Variants in RGS6 observed in about 807,000 individuals in gnomAD.
RGS6 encodes the protein regulator of G protein signaling 6.
A neutral mutation model predicts 78.5 loss-of-function variants in RGS6; 30 were observed. That is an observed-to-expected ratio of 0.38 (90% CI 0.29 to 0.52). The LOEUF (loss-of-function observed/expected upper bound fraction) is 0.52, where lower values mean the gene tolerates loss of function less well. Ranked by LOEUF, RGS6 falls within the 20% of genes least tolerant of loss-of-function variation. The pLI, the probability that RGS6 is intolerant of heterozygous loss-of-function variation, is 0.85. For missense variants in RGS6, 495 were observed against 609.7 expected (o/e 0.81, Z 1.98); for synonymous variants, 206 against 206.0 (o/e 1.00, Z 0.00).
the RGS6 span, among the ~76,000 whole-genome samples, chr14:72,623,758 T>G: frequency 6.6e-6 from 1 of 152,154 alleles, no homozygotes; most frequent in African/African-American, 2.4e-5. Flanking sequence ...TCTACCTCTG[T>G]CCACAGAAAG....
At chr14:72,614,787 A>C in the RGS6 span, among the ~76,000 whole-genome samples, 2 of 150,950 alleles carry the variant, frequency 1.3e-5, no homozygotes, top group Non-Finnish European at 1.5e-5. Context: ...GAAAAAAAAA[A>C]AAGAGTTACA....
At chr14:72,091,924 C>A (rs1311688993) in intron 2 of RGS6, among the ~76,000 whole-genome samples, 14 of 152,206 alleles carry the variant, frequency 9.2e-5, no homozygotes, top group Admixed American at 9.2e-4. Flanking sequence ...AGATCATTGA[C>A]AAATGACATA....
At chr14:72,225,620 C>T (rs117233019) in intron 2 of RGS6, among the ~76,000 whole-genome samples, 2,228 of 152,236 alleles carry the variant, frequency 0.015, 30 homozygotes, top group Non-Finnish European at 0.021. Context: ...TGAGCCACCA[C>T]GCCCAGCCAA....
intron 2 of RGS6, among the ~76,000 whole-genome samples, chr14:72,060,659 A>G (rs1388483495): frequency 2.0e-5 from 3 of 152,204 alleles, no homozygotes; most frequent in Non-Finnish European, 2.9e-5. Flanking sequence ...ATAGCCAAGA[A>G]AGATCTTACA....
chr14:72,054,717 C>T (rs1486031749), intron 2 of RGS6, among the ~76,000 whole-genome samples: 1 of 152,170 alleles, frequency 6.6e-6, no homozygotes, highest in Non-Finnish European at 1.5e-5. Context: ...TTATCTTACT[C>T]CTTCACCTCC....
chr14:71,977,611 C>T (rs949803185), intron 2 of RGS6, among the ~76,000 whole-genome samples: 96 of 149,696 alleles, frequency 6.4e-4, no homozygotes, highest in African/African-American at 2.1e-3. Flanking sequence ...TGTTCTGTTC[C>T]GTTGATCTAT....
In RGS6 at chr14:72,543,667, C is replaced by T. The variant is rs143221116; in HGVS notation, c.1422+3573C>T. On this transcript the variant is annotated intron_variant, in intron 17 of 17. Transcript: ENST00000553525. Reference sequence around the variant, plus strand: ...GCTTGGTGATGTCTAGCCTGCCACTCTCTGCTATCTTCCTGGTTTTGCAGT... The same window carrying T: ...GCTTGGTGATGTCTAGCCTGCCACTTTCTGCTATCTTCCTGGTTTTGCAGT... Among the ~76,000 whole-genome samples, 1,000 of 152,306 alleles carry T rather than the reference C, an allele frequency of 6.6e-3. 10 individuals are homozygous for T. Among genetic ancestry groups the T allele is most frequent in the Middle Eastern group, 0.02 (6 of 294 alleles).
intron 2 of RGS6, among the ~76,000 whole-genome samples, chr14:72,035,963 T>A (rs2091636836): frequency 1.3e-5 from 2 of 152,120 alleles, no homozygotes; most frequent in Non-Finnish European, 2.9e-5. Context: ...ATAATGAGAA[T>A]ACAAAACAGT....
intron 17 of RGS6, among the ~76,000 whole-genome samples, chr14:72,545,558 C>A (rs1238160272): frequency 1.3e-5 from 2 of 152,156 alleles, no homozygotes; most frequent in African/African-American, 2.4e-5. Context: ...TTCCCTCTGT[C>A]CTGAGATTTC....
the RGS6 span, among the ~76,000 whole-genome samples, chr14:72,622,965 G>A: frequency 1.3e-5 from 2 of 152,218 alleles, no homozygotes; most frequent in Non-Finnish European, 2.9e-5. Flanking sequence ...ATAAGGGAAT[G>A]GTTGGATAAG....
At chr14:71,971,322 A>G (rs1279064879) in intron 2 of RGS6, among the ~76,000 whole-genome samples, 1 of 152,150 alleles carries the variant, frequency 6.6e-6, no homozygotes, top group Admixed American at 6.5e-5. Flanking sequence ...GGAGAATCGC[A>G]ATGTCAGAGA....
At chr14:72,330,037 C>G (rs550911421) in intron 2 of RGS6, among the ~76,000 whole-genome samples, 1 of 152,342 alleles carries the variant, frequency 6.6e-6, no homozygotes, top group African/African-American at 2.4e-5. Context: ...GTGTTCTTCA[C>G]AGCACCCAAC....
At chr14:72,211,114 A>G (rs2044029051) in intron 2 of RGS6, among the ~76,000 whole-genome samples, 1 of 152,248 alleles carries the variant, frequency 6.6e-6, no homozygotes, top group Non-Finnish European at 1.5e-5. Flanking sequence ...AGAGCAGGTC[A>G]CTGACACTAA....
the RGS6 span, among the ~76,000 whole-genome samples, chr14:71,922,000 C>G: frequency 6.6e-3 from 1,009 of 152,286 alleles, 11 homozygotes; most frequent in African/African-American, 0.023. Flanking sequence ...TCTCTTAGTT[C>G]TGTGGCTTTA....
At chr14:72,015,847 C>T (rs1359865946) in intron 2 of RGS6, among the ~76,000 whole-genome samples, 3 of 152,138 alleles carry the variant, frequency 2.0e-5, no homozygotes, top group African/African-American at 2.4e-5. Context: ...ACTCAGTGGC[C>T]GTCTGAGTTT....
chr14:72,023,766 G>A (rs552381834), intron 2 of RGS6, among the ~76,000 whole-genome samples: 4 of 152,320 alleles, frequency 2.6e-5, no homozygotes, highest in Admixed American at 6.5e-5. Context: ...TAAATGGAAT[G>A]AGACCTGGTC....
At chr14:71,934,416 T>G (rs539977660) in intron 1 of RGS6, among the ~76,000 whole-genome samples, 14 of 152,344 alleles carry the variant, frequency 9.2e-5, no homozygotes, top group African/African-American at 3.4e-4. Context: ...CAGTGTTTCC[T>G]TTTATATATT....
At chr14:72,406,034 A>T (rs765162545) in intron 3 of RGS6, among the ~76,000 whole-genome samples, 32 of 152,144 alleles carry the variant, frequency 2.1e-4, no homozygotes, top group Non-Finnish European at 5.9e-5. Context: ...AGGGTGAAGG[A>T]AGGAGGATGT....
At chr14:72,035,410 T>C (rs2091550052) in intron 2 of RGS6, among the ~76,000 whole-genome samples, 1 of 152,140 alleles carries the variant, frequency 6.6e-6, no homozygotes, top group African/African-American at 2.4e-5. Flanking sequence ...ATTCTATTGG[T>C]CTTTAAAAAA....
Sources: allele counts gnomAD v4.1 joint callset (sites outside exome capture counted in the v4.1 genomes callset), GRCh38; gene constraint gnomAD v4.1.1; transcripts MANE v1.5; gene names NCBI Gene and HGNC (gene_info 2026-07-23, HGNC 2026-07-21).